The following SART1 variants were observed in gnomAD, a reference collection of about 807,000 sequenced individuals.
SART1 encodes U4/U6.U5 tri-snRNP-associated protein 1.
SART1 carries 28 observed loss-of-function variants against 105.0 expected under a neutral mutation model. The ratio of observed to expected loss-of-function variants is 0.27; its 90% CI spans 0.20 to 0.37. SART1 has a LOEUF of 0.37. Among genes scored for constraint, SART1 ranks in the 10% least tolerant of loss-of-function variants. SART1 has a pLI of 1.00. For synonymous variants in SART1, 472 were observed against 462.9 expected (o/e 1.02, Z -0.25); for missense variants, 894 against 1,106.5 (o/e 0.81, Z 2.72).
chr11:65,962,126 C>CG, intron 1 of SART1, 33 bp downstream of exon 1: 15 of 25,824 alleles, frequency 5.8e-4, no homozygotes, highest in South Asian at 1.0e-3. Context: ...GGGGGCGGGT[C>CG]GGGCGGGGGT....
At position 65,967,710 on chromosome 11, in the gene SART1, G is replaced by A. The variant is rs76039799; in HGVS notation, c.1461G>A (p.Pro487=). Residue 487 remains proline (P), a synonymous_variant, in exon 12 of 20, where the codon CCG becomes CCA. Coordinates refer to ENST00000312397, the MANE Select transcript of SART1 (RefSeq NM_005146.5). ...EEGGAPPPGS[P]QVLEEDEAEL... ...GTGGAGCTCCACCGCCGGGGTCCCC[G>A]CAGGTGCTGGAGGAGGACGAGGCGG... The A allele has an allele frequency of 1.1e-4, 176 of 1,561,130 alleles. No homozygotes were observed. The highest frequency in any genetic ancestry group is 1.1e-3 in the African/African-American group (82 of 74,152).
chr11:65,976,423 C>T lies in SART1; in HGVS notation c.1601C>T (p.Ser534Phe). The T allele has an allele frequency of 6.4e-7, 1 of 1,558,862 alleles. No homozygotes were observed. Among genetic ancestry groups the T allele is most frequent in the Non-Finnish European group, 8.7e-7 (1 of 1,155,562 alleles). ...KVVEIVKKLE[S>F]RQRGWEEDED... ...GTGGAGATTGTGAAGAAGCTGGAGT[C>T]TCGCCAGCGGGGCTGGGAGGAGGAT... Residue 534 changes from serine to phenylalanine, a missense_variant, in exon 13 of 20, where the codon TCT becomes TTT. Physicochemically the swap from Ser to Phe is radical, Grantham distance 155. Transcript: ENST00000312397. The surrounding 1 kb of genome is among the most constrained non-coding windows in gnomAD (Gnocchi z 5.1).
At position 65,965,877 on chromosome 11, in the gene SART1, C is replaced by G. The variant is rs1855242046; in HGVS notation, c.739-10C>G. 1 of 1,613,912 alleles carries G rather than the reference C, an allele frequency of 6.2e-7. No homozygotes were observed. The highest frequency in any genetic ancestry group is 1.1e-5 in the South Asian group (1 of 91,088). ...GAGGGAGGTTCCTGACTCGCCGATT[C>G]TTCCCTTAGGACCTGTACAGTGCCC... On this transcript the variant is annotated splice_polypyrimidine_tract_variant and intron_variant, in intron 6 of 19. Coordinates refer to ENST00000312397, the MANE Select transcript of SART1 (RefSeq NM_005146.5).
chr11:65,963,968 C>T, intron 1 of SART1, 106 bp from the exon 2 acceptor site: 5 of 886,024 alleles, frequency 5.6e-6, no homozygotes, highest in South Asian at 4.4e-5. Flanking sequence ...TCAGCAGGCC[C>T]AGGTGCTGGT....
chr11:65,978,219 C>G lies in SART1; in HGVS notation c.2172+320C>G. ...CTGGCCCGCAGGGCCATTCCAGCGTCCAGGCCCTTCCAGCACTCTCGTAGG... is the reference window on the plus strand; with the variant it reads ...CTGGCCCGCAGGGCCATTCCAGCGTGCAGGCCCTTCCAGCACTCTCGTAGG... On this transcript the variant is annotated intron_variant, in intron 17 of 19. Coordinates refer to ENST00000312397, the MANE Select transcript of SART1 (RefSeq NM_005146.5). This position sits in a 1 kb window ranked among gnomAD's most constrained non-coding sequence, Gnocchi z 6.8. 2 of 500,392 alleles carry G rather than the reference C, an allele frequency of 4.0e-6. No homozygotes were observed. Among genetic ancestry groups the G allele is most frequent in the South Asian group, 4.3e-5 (2 of 46,134 alleles). 31.0% of individuals were successfully genotyped at this position (500,392 alleles called of 1,614,324 possible).
At chr11:65,964,802 T>A (rs1855213808) in intron 3 of SART1, among the ~76,000 whole-genome samples, 1 of 151,766 alleles carries the variant, frequency 6.6e-6, no homozygotes, top group South Asian at 2.1e-4. Context: ...AGTTGTTAGA[T>A]GGACTGGAAG....
At chr11:65,972,290 C>T (rs1420675864) in intron 12 of SART1, among the ~76,000 whole-genome samples, 2 of 152,014 alleles carry the variant, frequency 1.3e-5, no homozygotes, top group Non-Finnish European at 2.9e-5. Flanking sequence ...AGCGGGGCCC[C>T]GAGACAGAAT....
Position 65,961,996 on chromosome 11 carries a change from T to A in SART1, c.216T>A (p.Ala72=). Residue 72 remains alanine (A), a synonymous_variant, in exon 1 of 20, where the codon GCT becomes GCA. Transcript: ENST00000312397. ...ERGSGRRGAE[A]EARSSTHGRE... ...GGAGCGGGCGGCGCGGGGCCGAAGC[T>A]GAGGCCCGGAGCAGCACGCACGGGC... 1 of 1,514,764 alleles carries A rather than the reference T, an allele frequency of 6.6e-7. No individual in the cohort carries two copies. The highest frequency in any genetic ancestry group is 8.8e-7 in the Non-Finnish European group (1 of 1,135,400). 93.8% of individuals were successfully genotyped at this position (1,514,764 alleles called of 1,614,324 possible). A position where few individuals can be genotyped will look rare whatever the true frequency, so the allele number is the denominator to read the frequency against.
intron 1 of SART1, among the ~76,000 whole-genome samples, chr11:65,963,514 C>T (rs1275770855): frequency 1.3e-5 from 2 of 151,466 alleles, no homozygotes; most frequent in East Asian, 1.9e-4. Context: ...CAAAGTCTTG[C>T]TCCATTGCCC....
At chr11:65,974,538 T>A (rs1171604069) in intron 12 of SART1, among the ~76,000 whole-genome samples, 1 of 149,546 alleles carries the variant, frequency 6.7e-6, no homozygotes, top group Non-Finnish European at 1.5e-5. Context: ...AATTAGCTGG[T>A]TGTGGAGGCA....
rs1855252793 is a variant in SART1 at position 65,966,195 on chromosome 11, G to A, written c.958G>A (p.Glu320Lys). 2 of 1,614,028 alleles carry A rather than the reference G, an allele frequency of 1.2e-6. No homozygotes were observed. Among genetic ancestry groups the A allele is most frequent in the African/African-American group, 1.3e-5 (1 of 75,020 alleles). ...KPDYLPYAED[E>K]SVDDLAQQKP... ...TGACTACCTGCCCTATGCCGAGGAC[G>A]AGAGCGTGGACGACCTGGCGCAGGC... The change falls in exon 8 of 20, where the codon GAG becomes AAG. Residue 320 changes from glutamate to lysine, a missense_variant. Glu to Lys is a moderately conservative substitution (Grantham distance 56). Around this residue, in one of 2 missense-constraint regions of SART1, gnomAD observed 712 missense variants for 778.2 expected, o/e 0.91. Transcript: ENST00000312397.
At chr11:65,975,654 C>A (rs982722462) in intron 12 of SART1, among the ~76,000 whole-genome samples, 4 of 151,904 alleles carry the variant, frequency 2.6e-5, no homozygotes, top group African/African-American at 9.7e-5. Context: ...AGTCCACCCG[C>A]CTCAGAAGAT....
At position 65,974,620 on chromosome 11, in the gene SART1, A is replaced by G. The variant is rs538763820; in HGVS notation, c.1573-1775A>G. On this transcript the variant is annotated intron_variant, in intron 12 of 19. Coordinates refer to ENST00000312397, the MANE Select transcript of SART1 (RefSeq NM_005146.5). ...CTTGAACCTGGGAGGTGGAGGTTGC[A>G]GTGAGCCTATATCGCCCCATTGCAC... Among the ~76,000 whole-genome samples, 12 of 152,122 alleles carry G rather than the reference A, an allele frequency of 7.9e-5. No individual in the cohort carries two copies. In the South Asian group the frequency reaches 2.5e-3, roughly 32 times the overall value.
Position 65,976,745 on chromosome 11 carries a change from C to T in SART1, c.1836C>T (p.Asp612=), listed in dbSNP as rs148286104. Residue 612 remains aspartate (D), a synonymous_variant, in exon 14 of 20, where the codon GAC becomes GAT. Coordinates refer to ENST00000312397, the MANE Select transcript of SART1 (RefSeq NM_005146.5). This position sits in a 1 kb window ranked among gnomAD's most constrained non-coding sequence, Gnocchi z 5.1. ...TCGGCTGGAGCACGGTGAACCTGGA[C>T]GAGGAGAAGCAGCAGCAGGATGTGA... ...ENIGWSTVNL[D]EEKQQQDFSA... is the part of the protein sequence containing the mutation. 57 of 1,611,338 alleles carry T rather than the reference C, an allele frequency of 3.5e-5. 1 individual carries two copies. In the East Asian group the frequency reaches 5.1e-4, roughly 15 times the overall value.
Position 65,977,830 on chromosome 11 carries a change from G to T in SART1, c.2103G>T (p.Lys701Asn). The change falls in exon 17 of 20, where the codon AAG becomes AAT. Residue 701 changes from lysine (K) to asparagine (N), a missense_variant. Lys to Asn is a moderately conservative substitution (Grantham distance 94). This residue lies in a region of SART1 where 182 missense variants were observed against 328.3 expected (regional missense o/e 0.55). Coordinates refer to ENST00000312397, the MANE Select transcript of SART1 (RefSeq NM_005146.5). The stretch of plus-strand genomic sequence containing the variant: ...GCTTCACACAGGACTTCAAGGAGAA[G>T]GACGGCTACAAACCCGACGTTAAGA... The part of the protein sequence containing the change: ...YRGFTQDFKE[K>N]DGYKPDVKIE... The T allele has an allele frequency of 1.2e-6, 2 of 1,613,984 alleles. No homozygotes were observed. The highest frequency in any genetic ancestry group is 1.7e-6 in the Non-Finnish European group (2 of 1,179,998).
intron 12 of SART1, among the ~76,000 whole-genome samples, chr11:65,974,051 TTTAG>T (rs1855433020): frequency 6.6e-6 from 1 of 151,738 alleles, no homozygotes; most frequent in Non-Finnish European, 1.5e-5. Context: ...TGGGTGTGTG[TTTAG>T]TTAATGTTTT....
chr11:65,971,719 C>G (rs901383117), intron 12 of SART1, among the ~76,000 whole-genome samples: 8 of 151,842 alleles, frequency 5.3e-5, no homozygotes, highest in Non-Finnish European at 1.2e-4. Flanking sequence ...GGAGGAGGGA[C>G]AAGGCAGTTA....
rs142515674 is a variant in SART1 at position 65,977,215 on chromosome 11, C to T, written c.1945+114C>T. 645 of 758,256 alleles carry T rather than the reference C, an allele frequency of 8.5e-4. 3 individuals are homozygous for T. The African/African-American group carries it at 0.01, about 12-fold the overall frequency. The allele number at this position is 758,256 out of a possible 1,614,324, so 47.0% of individuals were successfully genotyped here. Reference sequence around the variant, plus strand: ...CTTTCTCTCAGTCCCAATGCTGGAGCCAGCTGTCCGGCCCAGAGCCACTCC... The same window carrying T: ...CTTTCTCTCAGTCCCAATGCTGGAGTCAGCTGTCCGGCCCAGAGCCACTCC... On this transcript the variant is annotated intron_variant, in intron 15 of 19. Transcript: ENST00000312397.
In SART1 at chr11:65,977,224, C is replaced by T. The variant is rs1008142416; in HGVS notation, c.1945+123C>T. ...AGTCCCAATGCTGGAGCCAGCTGTC[C>T]GGCCCAGAGCCACTCCTTCCCCTCC... On this transcript the variant is annotated intron_variant, in intron 15 of 19. Coordinates refer to ENST00000312397, the MANE Select transcript of SART1 (RefSeq NM_005146.5). The T allele has an allele frequency of 1.9e-5, 13 of 700,270 alleles. 1 individual carries two copies. Among genetic ancestry groups the T allele is most frequent in the Admixed American group, 4.7e-5 (2 of 42,788 alleles). The allele number at this position is 700,270 out of a possible 1,614,324, so 43.4% of individuals were successfully genotyped here.
Sources: allele counts gnomAD v4.1 joint callset (sites outside exome capture counted in the v4.1 genomes callset), GRCh38; gene constraint gnomAD v4.1.1; regional missense constraint gnomAD v4.1.1; non-coding constraint Gnocchi (gnomAD v3.1); transcripts MANE v1.5; gene names NCBI Gene and HGNC (gene_info 2026-07-23, HGNC 2026-07-21).